LAMB1: variants seen among roughly 807,000 people sequenced by gnomAD.
LAMB1 encodes laminin subunit beta 1, also known as laminin subunit beta-1.
Under a neutral mutation model 222.3 loss-of-function variants are expected in LAMB1, and 121 were observed. That is an observed-to-expected ratio of 0.54 (90% CI 0.47 to 0.63). The LOEUF is 0.63. LAMB1 is among the 30% of genes least tolerant of loss of function. The pLI is 0.00. For synonymous variants in LAMB1, 794 were observed against 807.2 expected (o/e 0.98, Z 0.28); for missense variants, 2,172 against 2,240.8 (o/e 0.97, Z 0.62).
chr7:107,957,805 AATG>A (rs1186773062), intron 20 of LAMB1, among the ~76,000 whole-genome samples: 1 of 152,206 alleles, frequency 6.6e-6, no homozygotes, highest in Non-Finnish European at 1.5e-5. Context: ...GAGAAAAAAG[AATG>A]ATGAGAAACT....
intron 12 of LAMB1, 109 bp from the exon 13 acceptor site, chr7:107,973,180 T>G (rs2033783883): frequency 1.1e-6 from 1 of 888,880 alleles, no homozygotes; most frequent in Non-Finnish European, 1.9e-6. Flanking sequence ...AATGCTCATT[T>G]TCATCATTAA....
At chr7:107,924,485 A>G in intron 32 of LAMB1, 96 bp from the exon 33 acceptor site, 1 of 849,548 alleles carries the variant, frequency 1.2e-6, no homozygotes, top group East Asian at 2.9e-5. Context: ...ATTCTGGATT[A>G]AGGGCCACCA....
rs769346376 is a variant in LAMB1 at position 107,923,942 on chromosome 7, TCTC to T, written c.*6_*8del. ...CTTGTTCACCTCAGCCATTTTTTAT[TCTC>T]CTCTGTTACAAGCATGTGCTATACA... On this transcript the variant is annotated 3_prime_UTR_variant, in exon 34 of 34. Transcript: ENST00000222399. 5 of 1,599,940 alleles carry T rather than the reference TCTC, an allele frequency of 3.1e-6. No homozygotes were observed. Among genetic ancestry groups the T allele is most frequent in the South Asian group, 2.3e-5 (2 of 88,210 alleles).
chr7:107,928,573 A>T (rs1034894421), intron 31 of LAMB1, among the ~76,000 whole-genome samples: 2 of 151,678 alleles, frequency 1.3e-5, no homozygotes, highest in African/African-American at 4.9e-5. Context: ...GCTCATTGCA[A>T]CCTCGACCTC....
chr7:107,980,611 T>G lies in LAMB1; in HGVS notation c.877A>C (p.Met293Leu). The change falls in exon 8 of 34, where the codon ATG (methionine) becomes CTG (leucine). Residue 293 changes from methionine to leucine, a missense_variant and splice_region_variant. Transcript: ENST00000222399. ...VDGFNEEVEG[M>L]VHGHCMCRHN... is the part of the protein sequence containing the mutation. Reference sequence around the variant, plus strand: ...AGGTGCACAGAGGGCTTACTTACCATTCCTTCCACTTCTTCATTGAATCCA... The same window carrying G: ...AGGTGCACAGAGGGCTTACTTACCAGTCCTTCCACTTCTTCATTGAATCCA... The G allele has an allele frequency of 1.2e-6, 2 of 1,613,054 alleles. No individual in the cohort carries two copies.
chr7:107,934,075 G>T (rs1388156103), intron 27 of LAMB1, among the ~76,000 whole-genome samples: 1 of 151,960 alleles, frequency 6.6e-6, no homozygotes, highest in Non-Finnish European at 1.5e-5. Flanking sequence ...TCATAACTTT[G>T]TCTCCTGTTA....
Position 107,998,370 on chromosome 7 carries a change from C to T in LAMB1, c.336G>A (p.Trp112Ter), listed in dbSNP as rs2034319034. ...CCAACCACATACCATTTTCAGATTG[C>T]CACCAAATCTTAAGGCGGTTTGGAG... ...TFAPNRLKIW[W>*]QSENGVENVT... is the part of the protein sequence containing the mutation. Residue 112 changes from tryptophan (W) to a stop codon, truncating the protein, a stop_gained, in exon 4 of 34, where the codon TGG becomes TGA. Coordinates refer to ENST00000222399, the MANE Select transcript of LAMB1 (RefSeq NM_002291.3). LOFTEE classifies it high-confidence loss of function. The T allele has an allele frequency of 6.2e-7, 1 of 1,613,822 alleles. No individual in the cohort carries two copies. The highest frequency in any genetic ancestry group is 1.7e-5 in the Admixed American group (1 of 59,978).
chr7:107,939,804 T>G (rs796233990), intron 25 of LAMB1, among the ~76,000 whole-genome samples, 185 bp downstream of exon 25: 2 of 152,180 alleles, frequency 1.3e-5, no homozygotes, highest in Non-Finnish European at 1.5e-5. Flanking sequence ...CCCACTGATG[T>G]GCCAACGTTC....
chr7:107,972,021 C>T lies in LAMB1; in HGVS notation c.1562+971G>A, dbSNP rs140601258. ...TCAGAAAAGTGATTCCACAAGCAGACAGCATTCTGTCTTTCTTCCCTGCTT... is the reference window on the plus strand; with the variant it reads ...TCAGAAAAGTGATTCCACAAGCAGATAGCATTCTGTCTTTCTTCCCTGCTT... On this transcript the variant is annotated intron_variant, in intron 13 of 33. Coordinates refer to ENST00000222399, the MANE Select transcript of LAMB1 (RefSeq NM_002291.3). 2.7e-3 allele frequency among the ~76,000 whole-genome samples: 412 copies of T among 152,322 alleles called. 1 individual carries two copies. The highest frequency in any genetic ancestry group is 3.6e-3 in the Non-Finnish European group (246 of 68,018).
intron 7 of LAMB1, among the ~76,000 whole-genome samples, chr7:107,982,645 A>T (rs2033995591): frequency 6.6e-6 from 1 of 152,186 alleles, no homozygotes; most frequent in Non-Finnish European, 1.5e-5. Context: ...GAGTATTTAG[A>T]AACCCTTGAA....
intron 13 of LAMB1, among the ~76,000 whole-genome samples, chr7:107,972,663 T>G (rs1265649983): frequency 2.0e-5 from 3 of 152,118 alleles, no homozygotes; most frequent in African/African-American, 7.2e-5. Context: ...TCCATGTGCT[T>G]AGATTGTTGA....
intron 3 of LAMB1, among the ~76,000 whole-genome samples, chr7:107,998,901 A>G (rs112279327): frequency 0.012 from 1,850 of 152,346 alleles, 33 homozygotes; most frequent in East Asian, 0.04. Context: ...AATACAGTTC[A>G]CTTGGCCTGA....
chr7:107,964,593 C>A lies in LAMB1; in HGVS notation c.1657G>T (p.Asp553Tyr), dbSNP rs2033587855. Residue 553 changes from aspartate (D) to tyrosine (Y), a missense_variant, in exon 14 of 34, where the codon GAT (aspartate) becomes TAT (tyrosine). Asp to Tyr is a radical substitution (Grantham distance 160). Coordinates refer to ENST00000222399, the MANE Select transcript of LAMB1 (RefSeq NM_002291.3). ...VEPGYYFATLDHYLYEAEEAN... is the reference protein window; with the variant it reads ...VEPGYYFATLYHYLYEAEEAN... ...TCCTCCGCTTCATAGAGGTAGTGAT[C>A]CAGGGTGGCAAAGTAGTAACCAGGT... 1 of 1,614,030 alleles carries A rather than the reference C, an allele frequency of 6.2e-7. No homozygotes were observed. Among genetic ancestry groups the A allele is most frequent in the African/African-American group, 1.3e-5 (1 of 74,926 alleles).
intron 20 of LAMB1, among the ~76,000 whole-genome samples, chr7:107,956,840 A>G (rs914318991): frequency 6.6e-6 from 1 of 152,186 alleles, no homozygotes; most frequent in Non-Finnish European, 1.5e-5. Context: ...ATTAATTCCC[A>G]TATCCAACAT....
Position 107,940,477 on chromosome 7 carries a change from A to G in LAMB1, c.3392-119T>C, listed in dbSNP as rs1401355200. ...GGGAAGGTGTCAACCATCGACAACA[A>G]TTGACCAATGGCTCAGGTAGAGACT... On this transcript the variant is annotated intron_variant, in intron 24 of 33. Coordinates refer to ENST00000222399, the MANE Select transcript of LAMB1 (RefSeq NM_002291.3). The G allele has an allele frequency of 6.6e-6, 7 of 1,065,812 alleles. No individual in the cohort carries two copies. In the Admixed American group the frequency reaches 7.1e-5, roughly 11 times the overall value. The allele number at this position is 1,065,812 out of a possible 1,614,324, so 66.0% of individuals were successfully genotyped here.
chr7:107,976,441 G>A (rs990466961), intron 9 of LAMB1, among the ~76,000 whole-genome samples: 31 of 152,160 alleles, frequency 2.0e-4, no homozygotes, highest in East Asian at 7.7e-4. Flanking sequence ...TGGGTGCAGC[G>A]CTTCCTTCTG....
intron 27 of LAMB1, 40 bp downstream of exon 27, chr7:107,935,361 TTTTTTTTTTTTTGC>T: frequency 1.4e-6 from 1 of 719,342 alleles, no homozygotes; most frequent in African/African-American, 1.9e-5. Flanking sequence ...TTTTTTTTTT[TTTTTTTTTTTTTGC>T]TTGGCACCAT....
At chr7:107,952,275 A>G (rs2033274303) in intron 22 of LAMB1, 52 bp from the exon 23 acceptor site, 1 of 1,373,118 alleles carries the variant, frequency 7.3e-7, no homozygotes, top group Admixed American at 2.0e-5. Flanking sequence ...ATACACAGGC[A>G]TGCGGATGTT....
Position 107,940,107 on chromosome 7 carries a change from G to T in LAMB1, c.3643C>A (p.Pro1215Thr), listed in dbSNP as rs1213210536. The T allele has an allele frequency of 1.2e-6, 2 of 1,613,946 alleles. No homozygotes were observed. Among genetic ancestry groups the T allele is most frequent in the African/African-American group, 1.3e-5 (1 of 74,902 alleles). Residue 1215 changes from proline (P) to threonine (T), a missense_variant, in exon 25 of 34, where the codon CCT (proline) becomes ACT (threonine). Pro to Thr is a conservative substitution (Grantham distance 38). Coordinates refer to ENST00000222399, the MANE Select transcript of LAMB1 (RefSeq NM_002291.3). ...KALKISGVIG[P>T]YRETVDSVER... Reference sequence around the variant, plus strand: ...ACCGAGTCCACAGTCTCACGGTAAGGCCCGATCACACCACTGATCTTCAAG... The same window carrying T: ...ACCGAGTCCACAGTCTCACGGTAAGTCCCGATCACACCACTGATCTTCAAG...
Sources: allele counts gnomAD v4.1 joint callset (sites outside exome capture counted in the v4.1 genomes callset), GRCh38; gene constraint gnomAD v4.1.1; transcripts MANE v1.5; gene names NCBI Gene and HGNC (gene_info 2026-07-23, HGNC 2026-07-21).